The following ZNF248 variants were observed in gnomAD, a reference collection of about 807,000 sequenced individuals.
The protein encoded by ZNF248 is KRAB protein domain.
ZNF248 carries 20 observed loss-of-function variants against 44.3 expected under a neutral mutation model. The observed-to-expected ratio is 0.45, with a 90% CI of 0.32 to 0.66. The LOEUF is 0.66. ZNF248 is among the 30% of genes least tolerant of loss of function. The pLI, the probability that ZNF248 is intolerant of heterozygous loss-of-function variation, is 0.04. For synonymous variants in ZNF248, 224 were observed against 229.0 expected (o/e 0.98, Z 0.20); for missense variants, 654 against 677.0 (o/e 0.97, Z 0.38).
chr10:37,822,023 C>G lies in ZNF248; in HGVS notation c.330+11002G>C, dbSNP rs189897554. 2.6e-3 allele frequency among the ~76,000 whole-genome samples: 401 copies of G among 152,258 alleles called. 2 individuals carry two copies. Among genetic ancestry groups the G allele is most frequent in the African/African-American group, 9.0e-3 (374 of 41,532 alleles). ...CCTCAGAGGCTGGAGACAACATAAG[C>G]CCCCCATAAGGGGCTATGCCTTCCC... On this transcript the variant is annotated intron_variant, in intron 6 of 6. Transcript: ENST00000615949.
At chr10:37,804,376 A>C (rs895439739) in intron 6 of ZNF248, among the ~76,000 whole-genome samples, 4 of 152,030 alleles carry the variant, frequency 2.6e-5, no homozygotes, top group Admixed American at 1.3e-4. Flanking sequence ...AAACATAGTT[A>C]TATATTATTA....
At chr10:37,769,974 C>G in the ZNF248 span, among the ~76,000 whole-genome samples, 1 of 152,126 alleles carries the variant, frequency 6.6e-6, no homozygotes, top group East Asian at 1.9e-4. Flanking sequence ...TCTTATACAC[C>G]AATAACAGAC....
chr10:37,761,224 G>C, the ZNF248 span, among the ~76,000 whole-genome samples: 1 of 152,178 alleles, frequency 6.6e-6, no homozygotes, highest in Non-Finnish European at 1.5e-5. Context: ...CCCTTCCCTG[G>C]AATAAATGTT....
intron 6 of ZNF248, among the ~76,000 whole-genome samples, chr10:37,802,087 C>T (rs531381504): frequency 1.3e-5 from 2 of 152,168 alleles, no homozygotes; most frequent in Non-Finnish European, 2.9e-5. Flanking sequence ...TACTGACCTG[C>T]TACTTTATAG....
chr10:37,835,574 G>A (rs2056987818), intron 5 of ZNF248, among the ~76,000 whole-genome samples: 1 of 152,190 alleles, frequency 6.6e-6, no homozygotes, highest in South Asian at 2.1e-4. Context: ...CTTGAGCTAA[G>A]TATGTTTTTT....
At chr10:37,848,426 C>T (rs764286513) in intron 3 of ZNF248, among the ~76,000 whole-genome samples, 9 of 151,034 alleles carry the variant, frequency 6.0e-5, no homozygotes, top group East Asian at 2.0e-4. Flanking sequence ...CTACTAAAAA[C>T]ACAAAAATTA....
downstream of ZNF248, among the ~76,000 whole-genome samples, chr10:37,826,786 C>T (rs907222502): frequency 2.6e-5 from 4 of 152,114 alleles, no homozygotes; most frequent in African/African-American, 9.7e-5. Context: ...TTCCAGGCAA[C>T]AAATCTCTTA....
intron 6 of ZNF248, among the ~76,000 whole-genome samples, chr10:37,780,846 G>C (rs113616744): frequency 4.6e-5 from 7 of 152,140 alleles, no homozygotes; most frequent in Admixed American, 1.3e-4. Context: ...TGTCACACTC[G>C]GGCTGAATCC....
intron 3 of ZNF248, among the ~76,000 whole-genome samples, chr10:37,844,406 G>A (rs1208649): frequency 3.9e-5 from 6 of 152,148 alleles, no homozygotes; most frequent in African/African-American, 1.4e-4. Context: ...GCCGTATGAA[G>A]AAATAAAGAG....
chr10:37,827,061 G>C (rs985090326), downstream of ZNF248, among the ~76,000 whole-genome samples: 1 of 152,198 alleles, frequency 6.6e-6, no homozygotes, highest in Admixed American at 6.5e-5. Flanking sequence ...GGCAGCTGGT[G>C]CAGACATCAG....
intron 5 of ZNF248, 99 bp downstream of exon 5, chr10:37,837,518 A>C (rs2057468276): frequency 1.0e-6 from 1 of 970,512 alleles, no homozygotes; most frequent in East Asian, 2.5e-5. Context: ...GGCTAAAAAG[A>C]GACATTTGTG....
Position 37,831,832 on chromosome 10 carries a change from A to C in ZNF248, c.1523T>G (p.Ile508Ser). Residue 508 changes from isoleucine (I) to serine (S), a missense_variant, in exon 6 of 6, where the codon ATT (isoleucine) becomes AGT (serine). Physicochemically the swap from Ile to Ser is moderately radical, Grantham distance 142. Transcript: ENST00000395867. ...CCCAGTGTGAGTTCTTTGATGTACA[A>C]TGAGGTTTGACTTCACACAGAAGGA... Reference protein sequence around the residue: ...GKSFCVKSNLIVHQRTHTGEK... With the variant: ...GKSFCVKSNLSVHQRTHTGEK... 6.2e-7 allele frequency: 1 copy of C among 1,613,596 alleles called. No homozygotes were observed. Among genetic ancestry groups the C allele is most frequent in the Admixed American group, 1.7e-5 (1 of 59,950 alleles).
downstream of ZNF248, among the ~76,000 whole-genome samples, chr10:37,823,892 G>C (rs1013569400): frequency 6.6e-6 from 1 of 151,928 alleles, no homozygotes; most frequent in Non-Finnish European, 1.5e-5. Context: ...ATCTTTAATG[G>C]CTACGATAAA....
chr10:37,853,537 C>G (rs1000506142), intron 3 of ZNF248, among the ~76,000 whole-genome samples: 3 of 152,064 alleles, frequency 2.0e-5, no homozygotes. Flanking sequence ...GCCACCATGC[C>G]CGGCTAATTT....
At chr10:37,764,333 G>T in the ZNF248 span, among the ~76,000 whole-genome samples, 2 of 152,236 alleles carry the variant, frequency 1.3e-5, no homozygotes, top group East Asian at 3.9e-4. Context: ...TGGTCAGACC[G>T]GTTGTCTGCT....
chr10:37,802,192 G>A (rs1292531818), intron 6 of ZNF248, among the ~76,000 whole-genome samples: 1 of 152,124 alleles, frequency 6.6e-6, no homozygotes, highest in Admixed American at 6.5e-5. Flanking sequence ...AACAAAGTGG[G>A]AATAAACAAC....
At chr10:37,838,838 A>G (rs2057763787) in intron 3 of ZNF248, among the ~76,000 whole-genome samples, 1 of 152,238 alleles carries the variant, frequency 6.6e-6, no homozygotes, top group Admixed American at 6.5e-5. Flanking sequence ...ATGTTCAACA[A>G]AACAGAAGAA....
At chr10:37,846,452 G>C (rs193155626) in intron 3 of ZNF248, among the ~76,000 whole-genome samples, 342 of 152,108 alleles carry the variant, frequency 2.2e-3, no homozygotes, top group Non-Finnish European at 4.0e-3. Context: ...TGGTCAACAG[G>C]ATCTGGTGGC....
chr10:37,837,990 G>A lies in ZNF248; in HGVS notation c.137C>T (p.Ser46Leu). ...TGCGGAAAAAAACTCCTTACCTACT[G>A]AGACAAGATTGCTATAATTTTCCAG... is the stretch of plus-strand genomic sequence containing the variant. ...VILENYSNLVSVGYCITKPEV... is the reference protein window; with the variant it reads ...VILENYSNLVLVGYCITKPEV... The change falls in exon 4 of 6, where the codon TCA becomes TTA. Residue 46 changes from serine (S) to leucine (L), a missense_variant. Transcript: ENST00000395867. 1.2e-6 allele frequency: 2 copies of A among 1,613,154 alleles called. No homozygotes were observed. Among genetic ancestry groups the A allele is most frequent in the Non-Finnish European group, 1.7e-6 (2 of 1,179,482 alleles).
Sources: gnomAD v4.1 joint callset for allele counts (sites outside exome capture counted in the v4.1 genomes callset) on GRCh38, gnomAD v4.1.1 for gene constraint, MANE v1.5 for transcripts, NCBI Gene and HGNC (gene_info 2026-07-23, HGNC 2026-07-21) for gene names.